Variants in PEX10 observed in about 807,000 individuals in gnomAD.
PEX10 encodes peroxisome biogenesis factor 10.
A neutral mutation model predicts 38.0 loss-of-function variants in PEX10; 32 were observed. That is an observed-to-expected ratio of 0.84 (90% CI 0.63 to 1.13). The LOEUF is 1.13. PEX10 is among the 50% of genes most tolerant of loss of function. The pLI, the probability that PEX10 is intolerant of heterozygous loss-of-function variation, is 0.00. For synonymous variants in PEX10, 206 were observed against 207.3 expected (o/e 0.99, Z 0.05); for missense variants, 483 against 457.7 (o/e 1.06, Z -0.51).
At position 2,405,815 on chromosome 1, in the gene PEX10, C is replaced by G. The variant is rs724160001; in HGVS notation, c.932G>C (p.Arg311Pro). The change falls in exon 6 of 6, where the codon CGG becomes CCG. Residue 311 changes from arginine (R) to proline (P), a missense_variant. By Grantham distance (103) the Arg-to-Pro change is moderately radical. Coordinates refer to ENST00000447513, the MANE Select transcript of PEX10 (RefSeq NM_002617.4). ...CSSKAECPLC[R>P]EKFPPQKLIY... ...GAGCTTCTGGGGAGGGAACTTCTCC[C>G]GGCAGAGGGGACACTCCGCCTGCGG... 6.3e-7 allele frequency: 1 copy of G among 1,599,510 alleles called. No homozygotes were observed. The highest frequency in any genetic ancestry group is 8.5e-7 in the Non-Finnish European group (1 of 1,173,636).
At position 2,412,422 on chromosome 1, in the gene PEX10, G is replaced by A; in HGVS notation, c.81C>T (p.Ser27=). 1 of 1,415,482 alleles carries A rather than the reference G, an allele frequency of 7.1e-7. No individual in the cohort carries two copies. The highest frequency in any genetic ancestry group is 9.2e-7 in the Non-Finnish European group (1 of 1,089,300). The allele number at this position is 1,415,482 out of a possible 1,614,324, so 87.7% of individuals were successfully genotyped here. A position where few individuals can be genotyped will look rare whatever the true frequency, so the allele number is the denominator to read the frequency against. Residue 27 remains serine, a synonymous_variant, in exon 1 of 6, where the codon AGC becomes AGT. Transcript: ENST00000447513. ...GGCTGTGCAGGGCGCCGCCCGCCGC[G>A]CTCCGCAGCCCACCGCGGTAGTACT... ...KDEYYRGGLR[S]AAGGALHSLA...
Position 2,406,540 on chromosome 1 carries a change from TGGCTGTTGGGTGCCTGCGCTCCTCCAG to T in PEX10, c.829_855del (p.Leu277_Ala285del). On this transcript the variant is annotated inframe_deletion, in exon 5 of 6. Transcript: ENST00000447513. Reference sequence around the variant, plus strand: ...CAGCAGAACAGGTGGCCGCAGGGCGTGGCTGTTGGGTGCCTGCGCTCCTCCAGGCACAGGGTGCACAGGGGGTTTCTG... The same window carrying T: ...CAGCAGAACAGGTGGCCGCAGGGCGTGCACAGGGTGCACAGGGGGTTTCTG... 1 of 1,613,230 alleles carries T rather than the reference TGGCTGTTGGGTGCCTGCGCTCCTCCAG, an allele frequency of 6.2e-7. No homozygotes were observed. The highest frequency in any genetic ancestry group is 2.2e-5 in the East Asian group (1 of 44,870).
At position 2,410,390 on chromosome 1, in the gene PEX10, A is replaced by C. The variant is rs1225738785; in HGVS notation, c.174T>G (p.Phe58Leu). 1 of 1,614,020 alleles carries C rather than the reference A, an allele frequency of 6.2e-7. No homozygotes were observed. Among genetic ancestry groups the C allele is most frequent in the African/African-American group, 1.3e-5 (1 of 75,036 alleles). The change falls in exon 2 of 6, where the codon TTT (phenylalanine) becomes TTG (leucine). Residue 58 changes from phenylalanine to leucine, a missense_variant. Phe to Leu is a conservative substitution (Grantham distance 22, BLOSUM62 0). Transcript: ENST00000447513. This position sits in a 1 kb window ranked among gnomAD's most constrained non-coding sequence, Gnocchi z 5.1. ...EVELLSDVAY[F>L]GLTTLAGYQT... ...TTCTACCTGCAAGTGTGGTGAGGCC[A>C]AAGTAGGCCACATCTGAGAGCAGCT...
rs112163061 is a variant in PEX10, at chr1:2,410,442, T to C, written c.122A>G (p.Lys41Arg). Residue 41 changes from lysine (K) to arginine (R), a missense_variant, in exon 2 of 6, where the codon AAG (lysine) becomes AGG (arginine). By Grantham distance (26) the Lys-to-Arg change is conservative (BLOSUM62 2). Coordinates refer to ENST00000447513, the MANE Select transcript of PEX10 (RefSeq NM_002617.4). This position sits in a 1 kb window ranked among gnomAD's most constrained non-coding sequence, Gnocchi z 5.1. ...GALHSLAGAR[K>R]WLEWRKEVEL... Reference sequence around the variant, plus strand: ...AACCTCCTTCCTCCACTCCAGCCACTTCCTCGCACCTGAGAGGAGAAACAG... The same window carrying C: ...AACCTCCTTCCTCCACTCCAGCCACCTCCTCGCACCTGAGAGGAGAAACAG... 1 of 1,613,868 alleles carries C rather than the reference T, an allele frequency of 6.2e-7. No individual in the cohort carries two copies. Among genetic ancestry groups the C allele is most frequent in the East Asian group, 2.2e-5 (1 of 44,896 alleles).
At chr1:2,412,201 T>C (rs1643257633) in intron 1 of PEX10, among the ~76,000 whole-genome samples, 190 bp downstream of exon 1, 1 of 152,192 alleles carries the variant, frequency 6.6e-6, no homozygotes, top group African/African-American at 2.4e-5. Flanking sequence ...TGGGGCCACC[T>C]GGCCAGGGAG....
chr1:2,408,008 T>C (rs1328839752), intron 3 of PEX10, among the ~76,000 whole-genome samples: 5 of 97,698 alleles, frequency 5.1e-5, no homozygotes, highest in Admixed American at 1.4e-4. Flanking sequence ...GGCAGACTGC[T>C]GGGCCAGGCA....
In PEX10 at chr1:2,406,784, C is replaced by T. The variant is rs61736380; in HGVS notation, c.712G>A (p.Gly238Ser). The T allele has an allele frequency of 8.0e-5, 129 of 1,610,532 alleles. No individual in the cohort carries two copies. The highest frequency in any genetic ancestry group is 9.4e-5 in the Non-Finnish European group (111 of 1,179,028). ...LVLSMGLQLY[G>S]FRQRQRARKE... is the part of the protein sequence containing the mutation. ...CTGGCTCGCTGCCGCTGCCTGAAAC[C>T]GTACAGCTGCAGCCCCATGGACAGC... is the stretch of plus-strand genomic sequence containing the variant. Residue 238 changes from glycine (G) to serine (S), a missense_variant, in exon 4 of 6, where the codon GGT (glycine) becomes AGT (serine). Transcript: ENST00000447513.
rs745550991 is a variant in PEX10 at position 2,410,019 on chromosome 1, C to A, written c.193+352G>T. 25 of 348,566 alleles carry A rather than the reference C, an allele frequency of 7.2e-5. No individual in the cohort carries two copies. Among genetic ancestry groups the A allele is most frequent in the Non-Finnish European group, 1.3e-4 (24 of 178,622 alleles). 21.6% of individuals were successfully genotyped at this position (348,566 alleles called of 1,614,324 possible). A position where few individuals can be genotyped will look rare whatever the true frequency, so the allele number is the denominator to read the frequency against. The stretch of plus-strand genomic sequence containing the variant: ...GTGACCAGCCTGGGCCACAGACCCA[C>A]CACTGCTCCACCAGGGCACTGTCAC... On this transcript the variant is annotated intron_variant, in intron 2 of 5. Coordinates refer to ENST00000447513, the MANE Select transcript of PEX10 (RefSeq NM_002617.4). The surrounding 1 kb of genome is among the most constrained non-coding windows in gnomAD (Gnocchi z 5.1).
intron 3 of PEX10, among the ~76,000 whole-genome samples, chr1:2,408,216 AG>A (rs1455692860): frequency 6.6e-6 from 1 of 152,188 alleles, no homozygotes; most frequent in Non-Finnish European, 1.5e-5. Flanking sequence ...GGGCTGCAGC[AG>A]GAGTTCATTC....
At chr1:2,411,555 T>C (rs1434005565) in intron 1 of PEX10, among the ~76,000 whole-genome samples, 1 of 149,924 alleles carries the variant, frequency 6.7e-6, no homozygotes, top group Non-Finnish European at 1.5e-5. Flanking sequence ...CGTTTTTTAA[T>C]CGGTGATGGG....
Position 2,407,045 on chromosome 1 carries a change from C to T in PEX10, c.601-150G>A, listed in dbSNP as rs559287645. Reference sequence around the variant, plus strand: ...GAGTGCCCGGCAGAAACGATCAAGCCAGGGGGCAGGTTCAGGGAGTCTGAG... The same window carrying T: ...GAGTGCCCGGCAGAAACGATCAAGCTAGGGGGCAGGTTCAGGGAGTCTGAG... On this transcript the variant is annotated intron_variant, in intron 3 of 5. Coordinates refer to ENST00000447513, the MANE Select transcript of PEX10 (RefSeq NM_002617.4). 4 of 1,117,992 alleles carry T rather than the reference C, an allele frequency of 3.6e-6. No individual in the cohort carries two copies. The African/African-American group carries it at 6.2e-5, about 17-fold the overall frequency. The allele number at this position is 1,117,992 out of a possible 1,614,324, so 69.3% of individuals were successfully genotyped here.
rs375855913 is a variant in PEX10 at position 2,408,688 on chromosome 1, C to T, written c.364G>A (p.Asp122Asn). 6.2e-6 allele frequency: 10 copies of T among 1,612,966 alleles called. No homozygotes were observed. The highest frequency in any genetic ancestry group is 1.1e-5 in the South Asian group (1 of 91,060). Residue 122 changes from aspartate to asparagine, a missense_variant, in exon 3 of 6, where the codon GAC becomes AAC. Transcript: ENST00000447513. ...CTCCCCTGCAAGGGTCGCCCACTGT[C>T]GGGGTCAGCCTGCAGCTCCTGCTCC... is the stretch of plus-strand genomic sequence containing the variant. ...PLEQELQADP[D>N]SGRPLQGSLG...
In PEX10 at chr1:2,405,591, A is replaced by T. The variant is rs1389854882; in HGVS notation, c.*175T>A. 2 of 722,874 alleles carry T rather than the reference A, an allele frequency of 2.8e-6. No homozygotes were observed. The highest frequency in any genetic ancestry group is 2.0e-5 in the Admixed American group (1 of 49,826). 44.8% of individuals were successfully genotyped at this position (722,874 alleles called of 1,614,324 possible). A position where few individuals can be genotyped will look rare whatever the true frequency, so the allele number is the denominator to read the frequency against. On this transcript the variant is annotated 3_prime_UTR_variant, in exon 6 of 6. Transcript: ENST00000447513. Reference sequence around the variant, plus strand: ...CAGGCGCCCCTCCCAGGGCTGAGAAAGCGCAGCCAGGGACAGCTTTCTGTT... The same window carrying T: ...CAGGCGCCCCTCCCAGGGCTGAGAATGCGCAGCCAGGGACAGCTTTCTGTT...
Position 2,406,511 on chromosome 1 carries a change from C to T in PEX10, c.885G>A (p.Glu295=), listed in dbSNP as rs777066508. ...ATPCGHLFCW[E]CITAWCSSKA... ...TGCTGCTGCACCACGCGGTGATGCA[C>T]TCCCAGCAGAACAGGTGGCCGCAGG... The change falls in exon 5 of 6, where the codon GAG becomes GAA. Residue 295 remains glutamate (E), a synonymous_variant. Transcript: ENST00000447513. 1.9e-6 allele frequency: 3 copies of T among 1,613,028 alleles called. No homozygotes were observed. Among genetic ancestry groups the T allele is most frequent in the South Asian group, 2.2e-5 (2 of 91,082 alleles).
In PEX10 at chr1:2,405,264, C is replaced by T. The variant is rs1053758295; in HGVS notation, c.*502G>A. Reference sequence around the variant, plus strand: ...GCCCAGCCGCCCTCGGGGAGAGCAGCGCCGCCTCCCATGGGGCCGTGGGGC... The same window carrying T: ...GCCCAGCCGCCCTCGGGGAGAGCAGTGCCGCCTCCCATGGGGCCGTGGGGC... On this transcript the variant is annotated 3_prime_UTR_variant, in exon 6 of 6. Coordinates refer to ENST00000447513, the MANE Select transcript of PEX10 (RefSeq NM_002617.4). 2.5e-5 allele frequency: 7 copies of T among 283,400 alleles called. No individual in the cohort carries two copies. Among genetic ancestry groups the T allele is most frequent in the Non-Finnish European group, 4.8e-5 (7 of 145,746 alleles). The allele number at this position is 283,400 out of a possible 1,614,324, so 17.6% of individuals were successfully genotyped here.
In PEX10 at chr1:2,406,863, C is replaced by G. The variant is rs1442790649; in HGVS notation, c.633G>C (p.Leu211=). The G allele has an allele frequency of 1.2e-6, 2 of 1,609,528 alleles. No homozygotes were observed. Among genetic ancestry groups the G allele is most frequent in the African/African-American group, 1.3e-5 (1 of 75,004 alleles). Residue 211 remains leucine (L), a synonymous_variant, in exon 4 of 6, where the codon CTG becomes CTC. Transcript: ENST00000447513. ...LRVRSLPGED[L]RARVSYRLLG... is the part of the protein sequence containing the mutation. Reference sequence around the variant, plus strand: ...GCAGCCTGTAGCTAACACGGGCCCTCAGGTCCTCTCCGGGCAGGCTGCGGA... The same window carrying G: ...GCAGCCTGTAGCTAACACGGGCCCTGAGGTCCTCTCCGGGCAGGCTGCGGA...
chr1:2,406,338 C>T (rs1643001384), intron 5 of PEX10, 146 bp downstream of exon 5: 1 of 1,062,984 alleles, frequency 9.4e-7, no homozygotes, highest in Non-Finnish European at 1.4e-6. Flanking sequence ...TCTGACCTAC[C>T]TGGGAGCCTT....
upstream of PEX10, chr1:2,412,585 G>A: frequency 9.2e-7 from 1 of 1,085,856 alleles, no homozygotes; most frequent in Non-Finnish European, 1.2e-6. Context: ...GGCACGACGT[G>A]GCTCTGCGTG....
intron 1 of PEX10, among the ~76,000 whole-genome samples, chr1:2,411,230 CTTTT>C (rs140273455): frequency 1.3e-4 from 15 of 114,030 alleles, no homozygotes; most frequent in East Asian, 2.6e-4. Context: ...ATGGCTTTGC[CTTTT>C]TTTTTTTTTT....
Sources: allele counts gnomAD v4.1 joint callset (sites outside exome capture counted in the v4.1 genomes callset), GRCh38; gene constraint gnomAD v4.1.1; non-coding constraint Gnocchi (gnomAD v3.1); transcripts MANE v1.5; gene names NCBI Gene and HGNC (gene_info 2026-07-23, HGNC 2026-07-21).